Variants in SNAP91 observed in about 807,000 individuals in gnomAD.
SNAP91 encodes synaptosome associated protein 91.
In SNAP91, 27 loss-of-function variants were observed where a neutral mutation model predicts 100.3. That is an observed-to-expected ratio of 0.27 (90% CI 0.20 to 0.37). The LOEUF (loss-of-function observed/expected upper bound fraction) is 0.37. Ranked by LOEUF, SNAP91 falls within the 10% of genes least tolerant of loss-of-function variation. The pLI, the probability that SNAP91 is intolerant of heterozygous loss-of-function variation, is 1.00. For synonymous variants in SNAP91, 404 were observed against 398.6 expected, an observed-to-expected ratio of 1.01 and a Z score of -0.16; for missense variants, 986 against 1,123.7, an observed-to-expected ratio of 0.88 and a Z score of 1.75.
chr6:83,647,240 T>A (rs62419578), intron 7 of SNAP91, among the ~76,000 whole-genome samples: 13,031 of 152,168 alleles, frequency 0.086, 832 homozygotes, highest in Non-Finnish European at 0.13. Flanking sequence ...TGAAAAGCAG[T>A]AGTGAGAGGA....
intron 2 of SNAP91, among the ~76,000 whole-genome samples, chr6:83,674,896 T>A (rs1238842342): frequency 6.6e-6 from 1 of 152,120 alleles, no homozygotes; most frequent in Non-Finnish European, 1.5e-5. Flanking sequence ...AAAGAGGATA[T>A]TGGACATTTC....
At chr6:83,636,975 A>C (rs1375609192) in intron 8 of SNAP91, among the ~76,000 whole-genome samples, 1 of 152,152 alleles carries the variant, frequency 6.6e-6, no homozygotes, top group African/African-American at 2.4e-5. Flanking sequence ...CCTGTGGTGC[A>C]TTTCAGAGGT....
chr6:83,591,617 A>C (rs2093759311), intron 21 of SNAP91, among the ~76,000 whole-genome samples: 1 of 152,246 alleles, frequency 6.6e-6, no homozygotes, highest in East Asian at 1.9e-4. Context: ...CCTAAAGGTA[A>C]TAAAACAGAA....
chr6:83,582,398 G>T (rs1400423598), intron 22 of SNAP91, 42 bp from the exon 23 acceptor site: 3 of 1,580,006 alleles, frequency 1.9e-6, no homozygotes, highest in African/African-American at 2.7e-5. Flanking sequence ...ATAACATAAA[G>T]GTGGGTAAAG....
chr6:83,612,443 A>C (rs1157712781), intron 11 of SNAP91, among the ~76,000 whole-genome samples: 15 of 152,202 alleles, frequency 9.9e-5, no homozygotes, highest in Admixed American at 9.8e-4. Context: ...AGTAGCATGA[A>C]TTCTACAAAG....
chr6:83,582,457 A>C, intron 22 of SNAP91, 101 bp from the exon 23 acceptor site: 1 of 1,234,064 alleles, frequency 8.1e-7, no homozygotes, highest in Non-Finnish European at 1.1e-6. Flanking sequence ...AAAGGAATTA[A>C]TTGCATGTTG....
At chr6:83,582,077 A>T in intron 23 of SNAP91, 145 bp downstream of exon 23, 1 of 804,866 alleles carries the variant, frequency 1.2e-6, no homozygotes, top group East Asian at 2.6e-5. Context: ...AAGTTACTAA[A>T]TGAGAGATTT....
At chr6:83,616,197 G>A (rs1182232481) in intron 10 of SNAP91, among the ~76,000 whole-genome samples, 1 of 152,098 alleles carries the variant, frequency 6.6e-6, no homozygotes, top group South Asian at 2.1e-4. Context: ...GGCCTTCCCA[G>A]GATGCATAAG....
At chr6:83,658,656 A>G (rs1562539443) in intron 6 of SNAP91, among the ~76,000 whole-genome samples, 1 of 152,172 alleles carries the variant, frequency 6.6e-6, no homozygotes, top group Non-Finnish European at 1.5e-5. Context: ...AATAAAAAAG[A>G]TTTCTAACAG....
intron 20 of SNAP91, among the ~76,000 whole-genome samples, 182 bp downstream of exon 20, chr6:83,592,764 A>T (rs535817017): frequency 6.6e-6 from 1 of 152,332 alleles, no homozygotes; most frequent in East Asian, 1.9e-4. Context: ...AAAAATTTTC[A>T]CTAGCCTTAA....
At chr6:83,672,565 G>T in intron 2 of SNAP91, among the ~76,000 whole-genome samples, 1 of 152,158 alleles carries the variant, frequency 6.6e-6, no homozygotes, top group South Asian at 2.1e-4. Context: ...GGAGCTCAAG[G>T]TCTAACAGGT....
intron 26 of SNAP91, among the ~76,000 whole-genome samples, chr6:83,561,720 T>G (rs1291961829): frequency 6.6e-6 from 1 of 152,134 alleles, no homozygotes; most frequent in African/African-American, 2.4e-5. Flanking sequence ...TAAGCAAGGT[T>G]TTTAGGTGGA....
chr6:83,607,348 T>C (rs185443162), intron 13 of SNAP91, among the ~76,000 whole-genome samples: 2 of 151,944 alleles, frequency 1.3e-5, no homozygotes, highest in Admixed American at 1.3e-4. Flanking sequence ...TGTGTGTGTG[T>C]GTGTGTGTGT....
chr6:83,684,714 C>T (rs2099038041), intron 2 of SNAP91, among the ~76,000 whole-genome samples: 1 of 152,146 alleles, frequency 6.6e-6, no homozygotes, highest in African/African-American at 2.4e-5. Context: ...AATAAATGCT[C>T]CTTTTTCCTT....
At chr6:83,667,671 T>G (rs1006297052) in intron 2 of SNAP91, among the ~76,000 whole-genome samples, 3 of 152,082 alleles carry the variant, frequency 2.0e-5, no homozygotes, top group Non-Finnish European at 2.9e-5. Flanking sequence ...AGTTCTAGGG[T>G]ACATGTGTAC....
chr6:83,688,502 C>A (rs1029962163), intron 2 of SNAP91, among the ~76,000 whole-genome samples: 2 of 142,212 alleles, frequency 1.4e-5, no homozygotes, highest in Non-Finnish European at 3.0e-5. Context: ...AGCCAAACAT[C>A]ACTTTTTTTT....
chr6:83,594,685 C>G (rs1020619309), intron 16 of SNAP91, among the ~76,000 whole-genome samples: 12 of 151,774 alleles, frequency 7.9e-5, no homozygotes, highest in African/African-American at 2.9e-4. Flanking sequence ...GCAAGTGATA[C>G]AATGTTGATA....
intron 26 of SNAP91, among the ~76,000 whole-genome samples, chr6:83,564,164 C>T (rs1792942133): frequency 6.6e-6 from 1 of 151,996 alleles, no homozygotes; most frequent in Non-Finnish European, 1.5e-5. Flanking sequence ...TATAGATCAA[C>T]ACAAGCAAAT....
At chr6:83,567,224 C>A (rs978306409) in intron 26 of SNAP91, among the ~76,000 whole-genome samples, 8 of 152,176 alleles carry the variant, frequency 5.3e-5, no homozygotes, top group Admixed American at 4.6e-4. Context: ...TTATCGCATC[C>A]AGCTCAACTT....
Sources: allele counts gnomAD v4.1 joint callset (sites outside exome capture counted in the v4.1 genomes callset), GRCh38; gene constraint gnomAD v4.1.1; transcripts MANE v1.5; gene names NCBI Gene and HGNC (gene_info 2026-07-23, HGNC 2026-07-21).